Variants in GUCY2C observed in about 807,000 individuals in gnomAD.
GUCY2C encodes guanylyl cyclase C.
A neutral mutation model predicts 131.1 loss-of-function variants in GUCY2C; 118 were observed. The ratio of observed to expected loss-of-function variants is 0.90; its 90% CI spans 0.78 to 1.05. GUCY2C has a LOEUF of 1.05. Among genes scored for constraint, GUCY2C ranks in the 50% least tolerant of loss-of-function variants. The pLI is 0.00. For synonymous variants in GUCY2C, 452 were observed against 457.8 expected, an observed-to-expected ratio of 0.99 and a Z score of 0.16; for missense variants, 1,161 against 1,304.4, an observed-to-expected ratio of 0.89 and a Z score of 1.69.
intron 21 of GUCY2C, among the ~76,000 whole-genome samples, chr12:14,625,299 C>G (rs1025418116): frequency 2.6e-5 from 4 of 151,088 alleles, no homozygotes. Flanking sequence ...AGAGTACAAA[C>G]TGGAACAAGG....
At chr12:14,651,587 A>C (rs547205183) in intron 14 of GUCY2C, 76 bp from the exon 15 acceptor site, 369 of 767,818 alleles carry the variant, frequency 4.8e-4, no homozygotes, top group Middle Eastern at 9.2e-4. Context: ...TGCCAATAAA[A>C]TGTGTTTTGT....
In GUCY2C at chr12:14,613,217, C is replaced by G. The variant is rs758718708; in HGVS notation, c.3122G>C (p.Gly1041Ala). ...ANSLQKRQAA[G>A]IRSQKPRRVA... is the part of the protein sequence containing the mutation. Reference sequence around the variant, plus strand: ...CCGTCTGGGTTTTTGGCTTCTTATCCCTGCTGCCTGTCTTTTCTGTAAAGA... The same window carrying G: ...CCGTCTGGGTTTTTGGCTTCTTATCGCTGCTGCCTGTCTTTTCTGTAAAGA... Residue 1041 changes from glycine to alanine, a missense_variant, in exon 27 of 27, where the codon GGG (glycine) becomes GCG (alanine). Coordinates refer to ENST00000261170, the MANE Select transcript of GUCY2C (RefSeq NM_004963.4). This position sits in a 1 kb window ranked among gnomAD's most constrained non-coding sequence, Gnocchi z 4.9. The G allele has an allele frequency of 3.7e-6, 6 of 1,613,144 alleles. No homozygotes were observed. The African/African-American group carries it at 8.0e-5, about 22-fold the overall frequency.
chr12:14,685,767 A>C (rs1451696014), intron 3 of GUCY2C, among the ~76,000 whole-genome samples: 1 of 152,168 alleles, frequency 6.6e-6, no homozygotes, highest in Non-Finnish European at 1.5e-5. Flanking sequence ...GACCTACAGG[A>C]TAGAACAGAA....
rs1384898540 is a variant in GUCY2C, at chr12:14,643,575, C to T, written c.1929G>A (p.Lys643=). 1.2e-6 allele frequency: 2 copies of T among 1,613,656 alleles called. No homozygotes were observed. Among genetic ancestry groups the T allele is most frequent in the Non-Finnish European group, 1.7e-6 (2 of 1,179,662 alleles). The change falls in exon 17 of 27, where the codon AAG becomes AAA. Residue 643 remains lysine (K), a splice_region_variant and synonymous_variant. Transcript: ENST00000261170. ...FGCNSILPPK[K]DLWTAPEHLR... ...GTGAACATTTCATTCATTACAGACC[C>T]TTTTTTGGAGGTAAAATGGAATTGC...
chr12:14,626,047 A>T, intron 20 of GUCY2C, 132 bp from the exon 21 acceptor site: 1 of 633,070 alleles, frequency 1.6e-6, no homozygotes, highest in South Asian at 2.1e-5. Flanking sequence ...ATAACAAAAA[A>T]ACTCAACCTC....
intron 20 of GUCY2C, 40 bp downstream of exon 20, chr12:14,628,606 C>T (rs1157429748): frequency 1.9e-6 from 2 of 1,037,108 alleles, no homozygotes; most frequent in Non-Finnish European, 3.1e-6. Context: ...TTTTTTAAAA[C>T]CCTGCAATTA....
In GUCY2C at chr12:14,614,965, G is replaced by A. The variant is rs113033825; in HGVS notation, c.2971-22C>T. On this transcript the variant is annotated intron_variant, in intron 25 of 26. Transcript: ENST00000261170. ...TTCCCTGGTAAGACAAAAGAGTTAC[G>A]TACCACGGAGTCCAAGGAGTCAGTT... The A allele has an allele frequency of 3.0e-4, 405 of 1,358,152 alleles. 2 individuals are homozygous for A. The highest frequency in any genetic ancestry group is 2.1e-3 in the African/African-American group (139 of 67,716). 84.1% of individuals were successfully genotyped at this position (1,358,152 alleles called of 1,614,324 possible). A position where few individuals can be genotyped will look rare whatever the true frequency, so the allele number is the denominator to read the frequency against.
At chr12:14,654,405 C>T (rs1338425469) in intron 12 of GUCY2C, among the ~76,000 whole-genome samples, 1 of 152,106 alleles carries the variant, frequency 6.6e-6, no homozygotes, top group Non-Finnish European at 1.5e-5. Context: ...CTGATGAGCT[C>T]TCTGTACAGC....
At chr12:14,618,169 T>C (rs940007050) in intron 24 of GUCY2C, among the ~76,000 whole-genome samples, 1 of 152,228 alleles carries the variant, frequency 6.6e-6, no homozygotes, top group African/African-American at 2.4e-5. Context: ...AAATGCAATA[T>C]ATTCCTTCGT....
intron 19 of GUCY2C, among the ~76,000 whole-genome samples, chr12:14,635,366 T>C (rs116940797): frequency 1.7e-3 from 253 of 152,072 alleles, no homozygotes; most frequent in Middle Eastern, 0.014. Flanking sequence ...TGAATAACCA[T>C]TGAGTCGATA....
chr12:14,681,126 A>G (rs919067401), intron 5 of GUCY2C, among the ~76,000 whole-genome samples: 3 of 152,176 alleles, frequency 2.0e-5, no homozygotes, highest in African/African-American at 7.2e-5. Flanking sequence ...TTATGTTAAT[A>G]TAATTACTCA....
intron 15 of GUCY2C, among the ~76,000 whole-genome samples, chr12:14,646,196 T>G (rs1446685688): frequency 1.3e-5 from 2 of 152,220 alleles, no homozygotes; most frequent in Non-Finnish European, 2.9e-5. Flanking sequence ...AGTTGCAGGA[T>G]TTTAATTAAG....
rs774064751 is a variant in GUCY2C at position 14,681,435 on chromosome 12, G to A, written c.654C>T (p.His218=). ...ALEASVSYFS[H]ELGFKVVLRQ... ...TTAACACCACCTTAAAGCCGAGTTC[G>A]TGGGAGAAATAGGAAACGCTAGCCT... The change falls in exon 5 of 27, where the codon CAC becomes CAT. Residue 218 remains histidine (H), a synonymous_variant. Coordinates refer to ENST00000261170, the MANE Select transcript of GUCY2C (RefSeq NM_004963.4). The A allele has an allele frequency of 3.7e-6, 6 of 1,611,870 alleles. No homozygotes were observed. Among genetic ancestry groups the A allele is most frequent in the African/African-American group, 2.7e-5 (2 of 74,830 alleles).
intron 11 of GUCY2C, 125 bp downstream of exon 11, chr12:14,660,856 T>C: frequency 1.5e-6 from 1 of 671,754 alleles, no homozygotes; most frequent in Non-Finnish European, 2.7e-6. Flanking sequence ...ATGTCTTCAT[T>C]ATCTTAGGTC....
At chr12:14,628,792 A>G in intron 19 of GUCY2C, 55 bp from the exon 20 acceptor site, 2 of 881,190 alleles carry the variant, frequency 2.3e-6, no homozygotes, top group Non-Finnish European at 3.9e-6. Flanking sequence ...CTAAATCAAG[A>G]GAGAATTCTT....
chr12:14,656,430 C>A, intron 12 of GUCY2C, 82 bp downstream of exon 12: 1 of 720,230 alleles, frequency 1.4e-6, no homozygotes, highest in South Asian at 1.7e-5. Context: ...CCCTACTTGG[C>A]ACATATCCTG....
intron 19 of GUCY2C, among the ~76,000 whole-genome samples, chr12:14,633,652 T>C (rs1947200566): frequency 1.6e-5 from 1 of 60,780 alleles, no homozygotes; most frequent in Non-Finnish European, 4.6e-5. Context: ...TACAGAAAAA[T>C]AATACAAAGA....
At position 14,669,816 on chromosome 12, in the gene GUCY2C, G is replaced by C. The variant is rs764578762; in HGVS notation, c.1188C>G (p.Thr396=). 7 of 1,565,640 alleles carry C rather than the reference G, an allele frequency of 4.5e-6. No homozygotes were observed. The highest frequency in any genetic ancestry group is 6.1e-6 in the Non-Finnish European group (7 of 1,140,834). ...VDTKKYKVLL[T]YDTHVNKTYP... The stretch of plus-strand genomic sequence containing the variant: ...AGGTCTTATTTACGTGGGTATCATA[G>C]GTCAAAAGAACCTTGTACTGTGTCA... The change falls in exon 10 of 27, where the codon ACC becomes ACG. Residue 396 remains threonine (T), a synonymous_variant. Transcript: ENST00000261170.
intron 12 of GUCY2C, among the ~76,000 whole-genome samples, chr12:14,654,155 A>G (rs556440614): frequency 2.0e-5 from 3 of 152,236 alleles, no homozygotes; most frequent in Admixed American, 6.5e-5. Context: ...GTGTTACTCT[A>G]TCCCTTTGAC....
Sources: allele counts gnomAD v4.1 joint callset (sites outside exome capture counted in the v4.1 genomes callset), GRCh38; gene constraint gnomAD v4.1.1; non-coding constraint Gnocchi (gnomAD v3.1); transcripts MANE v1.5; gene names NCBI Gene and HGNC (gene_info 2026-07-23, HGNC 2026-07-21).